The following NOTCH1 variants were observed in gnomAD, a reference collection of about 807,000 sequenced individuals.
NOTCH1 encodes the protein neurogenic locus notch homolog protein 1.
In NOTCH1, 37 loss-of-function variants were observed where a neutral mutation model predicts 254.8. The ratio of observed to expected loss-of-function variants is 0.15; its 90% CI spans 0.11 to 0.19. The LOEUF (loss-of-function observed/expected upper bound fraction) is 0.19. NOTCH1 is among the 10% of genes least tolerant of loss of function. NOTCH1 has a pLI of 1.00. For missense variants in NOTCH1, 2,972 were observed against 3,708.6 expected (o/e 0.80, Z 5.16); for synonymous variants, 1,731 against 1,618.1 (o/e 1.07, Z -1.68).
At chr9:136,523,681 G>GT in intron 3 of NOTCH1, 36 bp downstream of exon 3, 1 of 1,576,232 alleles carries the variant, frequency 6.3e-7, no homozygotes, top group Non-Finnish European at 8.6e-7. Context: ...GCGGGCCTGG[G>GT]TCTGCCCACC....
At chr9:136,510,539 C>T (rs1027824032) in intron 17 of NOTCH1, 114 bp downstream of exon 17, 7 of 1,407,698 alleles carry the variant, frequency 5.0e-6, no homozygotes, top group Non-Finnish European at 5.8e-6. Flanking sequence ...CCCTCCCCGG[C>T]CACACTCCGG....
intron 2 of NOTCH1, among the ~76,000 whole-genome samples, chr9:136,539,411 CAG>C (rs1210722067): frequency 6.6e-6 from 1 of 152,108 alleles, no homozygotes; most frequent in Non-Finnish European, 1.5e-5. Context: ...TTTTTTGAGA[CAG>C]AGTCTCACTT....
intron 31 of NOTCH1, among the ~76,000 whole-genome samples, chr9:136,499,943 G>A (rs1262868171): frequency 6.6e-6 from 1 of 152,228 alleles, no homozygotes; most frequent in Non-Finnish European, 1.5e-5. Context: ...GAGAAGCTCT[G>A]TGGTAACTCC....
chr9:136,532,421 T>C (rs184948373), intron 2 of NOTCH1, among the ~76,000 whole-genome samples: 1 of 152,144 alleles, frequency 6.6e-6, no homozygotes, highest in East Asian at 1.9e-4. Context: ...CTCGATCAAA[T>C]AGCACACAAC....
chr9:136,514,763 C>T lies in NOTCH1; in HGVS notation c.2015-61G>A, dbSNP rs751975596. 2.1e-5 allele frequency: 31 copies of T among 1,508,934 alleles called. No homozygotes were observed. The Middle Eastern group carries it at 6.9e-4, about 33-fold the overall frequency. The allele number at this position is 1,508,934 out of a possible 1,614,324, so 93.5% of individuals were successfully genotyped here. ...GCCCAGGGGGTCCCACCCACGTCAA[C>T]CTCGATTTCCCTGTCTGTTGAGCCG... On this transcript the variant is annotated intron_variant, in intron 12 of 33. Transcript: ENST00000651671.
intron 17 of NOTCH1, 92 bp from the exon 18 acceptor site, chr9:136,510,053 C>A: frequency 7.9e-7 from 1 of 1,269,882 alleles, no homozygotes; most frequent in Non-Finnish European, 1.1e-6. Context: ...GGGGACAGCC[C>A]AGCCTTTCGT....
intron 2 of NOTCH1, among the ~76,000 whole-genome samples, chr9:136,541,282 GGGCC>G (rs1843729019): frequency 2.0e-5 from 3 of 152,090 alleles, no homozygotes; most frequent in African/African-American, 7.2e-5. Context: ...TTCCAATCCC[GGGCC>G]CTGCAACCAC....
chr9:136,502,927 A>T, intron 27 of NOTCH1: 1 of 678,958 alleles, frequency 1.5e-6, no homozygotes, highest in South Asian at 1.5e-5. Context: ...ATTCAGGAGG[A>T]AAGGGTGGGG....
intron 2 of NOTCH1, among the ~76,000 whole-genome samples, chr9:136,533,519 G>A (rs563966007): frequency 2.6e-5 from 4 of 152,322 alleles, no homozygotes; most frequent in South Asian, 4.1e-4. Flanking sequence ...AGCTCTCACC[G>A]CCCACCTCCT....
At chr9:136,511,048 C>T (rs757960333) in intron 16 of NOTCH1, 104 bp downstream of exon 16, 47 of 1,555,094 alleles carry the variant, frequency 3.0e-5, no homozygotes, top group African/African-American at 9.5e-5. Flanking sequence ...CAGCACCCAC[C>T]AGCTCCTCTT....
Position 136,499,015 on chromosome 9 carries a change from T to G in NOTCH1, c.6083-19A>C. Reference sequence around the variant, plus strand: ...GACTTGCCTGCGTGAAAGAAGCAGATGGGGTAGGTTGGAGACCAGCTGGAG... The same window carrying G: ...GACTTGCCTGCGTGAAAGAAGCAGAGGGGGTAGGTTGGAGACCAGCTGGAG... On this transcript the variant is annotated intron_variant, in intron 32 of 33. Coordinates refer to ENST00000651671, the MANE Select transcript of NOTCH1 (RefSeq NM_017617.5). 1 of 1,612,990 alleles carries G rather than the reference T, an allele frequency of 6.2e-7. No homozygotes were observed. The highest frequency in any genetic ancestry group is 8.5e-7 in the Non-Finnish European group (1 of 1,179,974).
chr9:136,534,987 G>A (rs543705809), intron 2 of NOTCH1, among the ~76,000 whole-genome samples: 2 of 8,278 alleles, frequency 2.4e-4, no homozygotes, highest in Non-Finnish European at 5.1e-4. Context: ...CCCCAAGTCC[G>A]TCCCCACAGA....
intron 2 of NOTCH1, among the ~76,000 whole-genome samples, chr9:136,527,993 G>A (rs957779684): frequency 6.6e-6 from 1 of 152,098 alleles, no homozygotes; most frequent in African/African-American, 2.4e-5. Context: ...AAAGCAGCAG[G>A]AGGCAGATGC....
chr9:136,508,766 C>A (rs1241826799), intron 19 of NOTCH1, 104 bp downstream of exon 19: 2 of 1,209,302 alleles, frequency 1.7e-6, no homozygotes, highest in Non-Finnish European at 2.3e-6. Context: ...TGGGGGTGAC[C>A]CCGAGCCGAC....
rs35980907 is a variant in NOTCH1, at chr9:136,503,225, C to G, written c.5124G>C (p.Ser1708=). The change falls in exon 27 of 34, where the codon TCG becomes TCC. Residue 1708 remains serine (S), a synonymous_variant. Coordinates refer to ENST00000651671, the MANE Select transcript of NOTCH1 (RefSeq NM_017617.5). ...TGTAGGGGATGTTGAGGCTGCCCAG[C>G]GAGGCGAGCGCTCCCAGGAATGCGG... ...DVAAFLGALA[S]LGSLNIPYKI... is the part of the protein sequence containing the mutation. 1 of 1,612,794 alleles carries G rather than the reference C, an allele frequency of 6.2e-7. No homozygotes were observed. The highest frequency in any genetic ancestry group is 8.5e-7 in the Non-Finnish European group (1 of 1,179,968).
intron 2 of NOTCH1, among the ~76,000 whole-genome samples, chr9:136,537,710 C>T (rs1454523889): frequency 6.6e-6 from 1 of 152,124 alleles, no homozygotes; most frequent in African/African-American, 2.4e-5. Context: ...GCAGGAGGAT[C>T]GCTTGAGCCC....
intron 2 of NOTCH1, among the ~76,000 whole-genome samples, chr9:136,527,131 C>T (rs917066209): frequency 6.6e-6 from 1 of 152,214 alleles, no homozygotes; most frequent in African/African-American, 2.4e-5. Context: ...TCTCCCGCTG[C>T]TGCTGTGGGC....
At chr9:136,511,314 AG>A in intron 15 of NOTCH1, 43 bp from the exon 16 acceptor site, 1 of 1,579,670 alleles carries the variant, frequency 6.3e-7, no homozygotes, top group Non-Finnish European at 8.6e-7. Context: ...CCTCACCCAG[AG>A]GGATCTCCCA....
At position 136,506,528 on chromosome 9, in the gene NOTCH1, G is replaced by T; in HGVS notation, c.4013C>A (p.Ala1338Glu). ...TARGFICKCP[A>E]GFEGATCEND... ...GCCTCCCTGCACCCCTGCACCTACC[G>T]CAGGGCACTTGCAGATGAACCCGCG... The change falls in exon 24 of 34, where the codon GCG becomes GAG. Residue 1338 changes from alanine (A) to glutamate (E), a missense_variant and splice_region_variant. This residue lies in a region of NOTCH1 where 1,343 missense variants were observed against 1,557.0 expected (regional missense o/e 0.86). Coordinates refer to ENST00000651671, the MANE Select transcript of NOTCH1 (RefSeq NM_017617.5). The surrounding 1 kb of genome is among the most constrained non-coding windows in gnomAD (Gnocchi z 4.5). The T allele has an allele frequency of 3.1e-6, 5 of 1,594,262 alleles. No individual in the cohort carries two copies. In the South Asian group the frequency reaches 5.7e-5, roughly 18 times the overall value.
Sources: allele counts gnomAD v4.1 joint callset (sites outside exome capture counted in the v4.1 genomes callset), GRCh38; gene constraint gnomAD v4.1.1; regional missense constraint gnomAD v4.1.1; non-coding constraint Gnocchi (gnomAD v3.1); transcripts MANE v1.5; gene names NCBI Gene and HGNC (gene_info 2026-07-23, HGNC 2026-07-21).